DEK: variants seen among roughly 807,000 people sequenced by gnomAD.
DEK encodes DEK proto-oncogene.
DEK carries 28 observed loss-of-function variants against 46.8 expected under a neutral mutation model. The observed-to-expected ratio is 0.60, with a 90% CI of 0.44 to 0.82. DEK has a LOEUF of 0.82. Ranked by LOEUF, DEK falls within the 40% of genes least tolerant of loss-of-function variation. The pLI is 0.00. For missense variants in DEK, 416 were observed against 430.6 expected (o/e 0.97, Z 0.30); for synonymous variants, 160 against 144.5 (o/e 1.11, Z -0.77).
At chr6:18,242,316 C>T (rs1429279697) in intron 7 of DEK, among the ~76,000 whole-genome samples, 6 of 152,292 alleles carry the variant, frequency 3.9e-5, no homozygotes, top group African/African-American at 7.2e-5. Context: ...GAGTATCGAT[C>T]GTGCCACTGT....
chr6:18,250,878 G>A (rs373163683), intron 6 of DEK, among the ~76,000 whole-genome samples: 67 of 152,134 alleles, frequency 4.4e-4, no homozygotes, highest in African/African-American at 1.6e-3. Flanking sequence ...ATTACTTCTG[G>A]CCTCTACTTT....
intron 8 of DEK, 110 bp from the exon 9 acceptor site, chr6:18,236,710 A>G: frequency 1.4e-6 from 1 of 708,986 alleles, no homozygotes; most frequent in East Asian, 3.4e-5. Context: ...TACTGGATCA[A>G]AAAAATTATA....
intron 9 of DEK, among the ~76,000 whole-genome samples, chr6:18,227,670 G>C (rs1202615157): frequency 6.6e-6 from 1 of 152,126 alleles, no homozygotes; most frequent in Non-Finnish European, 1.5e-5. Flanking sequence ...AACACCCACA[G>C]GTGTGGAGGG....
At chr6:18,234,677 C>T (rs1790572048) in intron 9 of DEK, among the ~76,000 whole-genome samples, 1 of 152,150 alleles carries the variant, frequency 6.6e-6, no homozygotes, top group Non-Finnish European at 1.5e-5. Flanking sequence ...CCAGTTGTAT[C>T]TGGATTCATC....
rs1174731813 is a variant in DEK at position 18,225,143 on chromosome 6, AATAAC to A, written c.*571_*575del. The stretch of plus-strand genomic sequence containing the variant: ...ACCAATTGTTTTTTAAAAATACAAA[AATAAC>A]ATCTGTCACTTTTGTCATGCTGACA... On this transcript the variant is annotated 3_prime_UTR_variant, in exon 11 of 11. Coordinates refer to ENST00000652689, the MANE Select transcript of DEK (RefSeq NM_003472.4). 9.1e-6 allele frequency: 2 copies of A among 219,836 alleles called. No homozygotes were observed. The highest frequency in any genetic ancestry group is 2.2e-5 in the African/African-American group (1 of 44,770). 13.6% of individuals were successfully genotyped at this position (219,836 alleles called of 1,614,324 possible).
rs199719323 is a variant in DEK, at chr6:18,236,600, T to C, written c.899A>G (p.Glu300Gly). The C allele has an allele frequency of 2.0e-6, 3 of 1,484,614 alleles. No individual in the cohort carries two copies. In the African/African-American group the frequency reaches 4.4e-5, roughly 22 times the overall value. The allele number at this position is 1,484,614 out of a possible 1,614,324, so 92.0% of individuals were successfully genotyped here. The change falls in exon 9 of 11, where the codon GAA becomes GGA. Residue 300 changes from glutamate (E) to glycine (G), a missense_variant and splice_region_variant. Coordinates refer to ENST00000652689, the MANE Select transcript of DEK (RefSeq NM_003472.4). ...ATCTGAACTATCCTCAGACTCACTT[T>C]CTAAAAGTAATATAATAATAATAAT... ...TKKNQNSSKK[E>G]SESEDSSDDE...
At chr6:18,228,532 C>G (rs1189117175) in intron 9 of DEK, among the ~76,000 whole-genome samples, 1 of 151,942 alleles carries the variant, frequency 6.6e-6, no homozygotes, top group Non-Finnish European at 1.5e-5. Flanking sequence ...GGGTACAGGA[C>G]AGTGGGTGCA....
At chr6:18,228,677 A>T (rs570815837) in intron 9 of DEK, among the ~76,000 whole-genome samples, 1 of 152,176 alleles carries the variant, frequency 6.6e-6, no homozygotes, top group African/African-American at 2.4e-5. Flanking sequence ...TCCCACCCTA[A>T]TACTGCACTT....
intron 7 of DEK, among the ~76,000 whole-genome samples, chr6:18,240,317 T>G (rs1402822957): frequency 2.0e-5 from 3 of 152,244 alleles, no homozygotes; most frequent in African/African-American, 7.2e-5. Context: ...AGGCCTGTCA[T>G]CTATTAAAAT....
chr6:18,239,361 T>TTTTTTTTA (rs1554159249), intron 7 of DEK, among the ~76,000 whole-genome samples: 1 of 120,458 alleles, frequency 8.3e-6, no homozygotes, highest in Non-Finnish European at 1.7e-5. Context: ...TTTTTTTTTT[T>TTTTTTTTA]AAAAAAAAGA....
intron 2 of DEK, among the ~76,000 whole-genome samples, chr6:18,259,392 C>A (rs1791743468): frequency 4.7e-5 from 1 of 21,370 alleles, no homozygotes; most frequent in African/African-American, 1.5e-4. Flanking sequence ...AAGACTCCGT[C>A]TCAAAAAAAA....
Position 18,225,509 on chromosome 6 carries a change from C to T in DEK, c.*210G>A. 2.1e-6 allele frequency: 1 copy of T among 484,476 alleles called. No individual in the cohort carries two copies. Among genetic ancestry groups the T allele is most frequent in the South Asian group, 4.0e-5 (1 of 25,002 alleles). 30.0% of individuals were successfully genotyped at this position (484,476 alleles called of 1,614,324 possible). On this transcript the variant is annotated 3_prime_UTR_variant, in exon 11 of 11. Transcript: ENST00000652689. ...AAAGCAAGGAACAATTAATGCCATGCAAGATTTTAAACTAAAAATGGCATA... is the reference window on the plus strand; with the variant it reads ...AAAGCAAGGAACAATTAATGCCATGTAAGATTTTAAACTAAAAATGGCATA...
chr6:18,258,020 A>G lies in DEK; in HGVS notation c.290T>C (p.Phe97Ser). 1 of 1,611,776 alleles carries G rather than the reference A, an allele frequency of 6.2e-7. No individual in the cohort carries two copies. Among genetic ancestry groups the G allele is most frequent in the Non-Finnish European group, 8.5e-7 (1 of 1,179,394 alleles). Residue 97 changes from phenylalanine to serine, a missense_variant, in exon 4 of 11, where the codon TTT becomes TCT. Transcript: ENST00000652689. ...TTCATCGGTTTTCTTCTTACTTAGA[A>G]AAAAATGTATCCTCTCAATTTCACA... ...KLCEIERIHF[F>S]LSKKKTDELR...
intron 2 of DEK, among the ~76,000 whole-genome samples, chr6:18,261,772 T>C (rs1035311304): frequency 6.6e-6 from 1 of 152,186 alleles, no homozygotes; most frequent in African/African-American, 2.4e-5. Context: ...AAGAAACTCA[T>C]CTTCAGATGA....
At chr6:18,254,139 T>C (rs1357558909) in intron 6 of DEK, among the ~76,000 whole-genome samples, 1 of 152,162 alleles carries the variant, frequency 6.6e-6, no homozygotes, top group Admixed American at 6.5e-5. Context: ...GAGACCAGCC[T>C]GGCCAACATG....
chr6:18,260,985 CAAAAAAAAA>C (rs780634683), intron 2 of DEK, among the ~76,000 whole-genome samples: 3 of 78,028 alleles, frequency 3.8e-5, no homozygotes, highest in African/African-American at 1.5e-4. Flanking sequence ...ACCTTGTCTC[CAAAAAAAAA>C]AAAAAAAAAG....
At chr6:18,230,086 A>G (rs1213165021) in intron 9 of DEK, among the ~76,000 whole-genome samples, 4 of 152,228 alleles carry the variant, frequency 2.6e-5, no homozygotes, top group African/African-American at 9.6e-5. Flanking sequence ...ACATTCTTAA[A>G]GAAAAGAATT....
intron 2 of DEK, among the ~76,000 whole-genome samples, chr6:18,262,237 A>G (rs1791908122): frequency 1.3e-5 from 2 of 152,000 alleles, no homozygotes; most frequent in African/African-American, 2.4e-5. Flanking sequence ...ACCACGAATC[A>G]ATAAAACCTA....
At chr6:18,256,806 A>G (rs1260613147) in intron 4 of DEK, among the ~76,000 whole-genome samples, 1 of 152,224 alleles carries the variant, frequency 6.6e-6, no homozygotes, top group African/African-American at 2.4e-5. Flanking sequence ...TCCTTTTCAT[A>G]AGTAATAAAG....
Sources: gnomAD v4.1 joint callset for allele counts (sites outside exome capture counted in the v4.1 genomes callset) on GRCh38, gnomAD v4.1.1 for gene constraint, MANE v1.5 for transcripts, NCBI Gene and HGNC (gene_info 2026-07-23, HGNC 2026-07-21) for gene names.